The following THSD7A variants were observed in gnomAD, a reference collection of about 807,000 sequenced individuals.
THSD7A encodes the protein thrombospondin type-1 domain-containing protein 7A.
THSD7A carries 96 observed loss-of-function variants against 231.3 expected under a neutral mutation model. The observed-to-expected ratio is 0.41, with a 90% CI of 0.35 to 0.49. The LOEUF (loss-of-function observed/expected upper bound fraction) is 0.49. THSD7A is among the 20% of genes least tolerant of loss of function. THSD7A has a pLI of 0.05. For missense variants in THSD7A, 2,290 were observed against 2,070.2 expected, an observed-to-expected ratio of 1.11 and a Z score of -2.06; for synonymous variants, 940 against 743.3, an observed-to-expected ratio of 1.26 and a Z score of -4.30.
chr7:11,746,898 C>G (rs1036895482), intron 1 of THSD7A, among the ~76,000 whole-genome samples: 1 of 151,734 alleles, frequency 6.6e-6, no homozygotes, highest in Non-Finnish European at 1.5e-5. Flanking sequence ...GGTCCTTTCT[C>G]TCATTTTTTG....
intron 1 of THSD7A, among the ~76,000 whole-genome samples, chr7:11,710,735 T>C (rs1244195182): frequency 1.3e-5 from 2 of 150,936 alleles, no homozygotes; most frequent in African/African-American, 2.4e-5. Flanking sequence ...AATTTTTGAA[T>C]TTTTAACATT....
At chr7:11,502,618 A>T (rs1437759730) in intron 6 of THSD7A, among the ~76,000 whole-genome samples, 1 of 152,196 alleles carries the variant, frequency 6.6e-6, no homozygotes, top group Non-Finnish European at 1.5e-5. Flanking sequence ...TAATCTAGGT[A>T]CAAAACCAAT....
intron 14 of THSD7A, 78 bp downstream of exon 14, chr7:11,428,869 C>T: frequency 4.1e-6 from 6 of 1,480,056 alleles, no homozygotes; most frequent in Middle Eastern, 1.8e-4. Context: ...CTATTATTTC[C>T]TCTTCTCCAT....
At chr7:11,503,398 T>G (rs138618289) in intron 6 of THSD7A, among the ~76,000 whole-genome samples, 10 of 152,118 alleles carry the variant, frequency 6.6e-5, no homozygotes, top group Non-Finnish European at 1.2e-4. Flanking sequence ...GACACAGGAA[T>G]GGGCAAAGAT....
intron 1 of THSD7A, among the ~76,000 whole-genome samples, chr7:11,745,253 G>A (rs2128162569): frequency 6.6e-6 from 1 of 152,178 alleles, no homozygotes; most frequent in Admixed American, 6.5e-5. Context: ...TCTGAGAAAT[G>A]TCTGTTCATG....
chr7:11,487,449 T>C (rs897960750), intron 6 of THSD7A, among the ~76,000 whole-genome samples: 9 of 152,198 alleles, frequency 5.9e-5, no homozygotes, highest in East Asian at 1.9e-4. Context: ...AATGTTTCTT[T>C]GGTTTAGCAA....
chr7:11,594,538 G>A (rs528191636), intron 2 of THSD7A, among the ~76,000 whole-genome samples: 11 of 152,148 alleles, frequency 7.2e-5, no homozygotes, highest in Non-Finnish European at 1.3e-4. Flanking sequence ...TGCATTTGAC[G>A]CTCCTGATTC....
intron 4 of THSD7A, among the ~76,000 whole-genome samples, chr7:11,554,379 C>A (rs1789756760): frequency 6.6e-6 from 1 of 151,988 alleles, no homozygotes; most frequent in South Asian, 2.1e-4. Context: ...TGCCAGTAGA[C>A]CATTTGTTCC....
At chr7:11,737,647 T>C (rs997523221) in intron 1 of THSD7A, among the ~76,000 whole-genome samples, 1 of 152,008 alleles carries the variant, frequency 6.6e-6, no homozygotes, top group Non-Finnish European at 1.5e-5. Flanking sequence ...TAACTTTGTG[T>C]CATATTTGTC....
At chr7:11,459,743 T>TC (rs1479191266) in intron 11 of THSD7A, among the ~76,000 whole-genome samples, 2 of 143,424 alleles carry the variant, frequency 1.4e-5, no homozygotes, top group African/African-American at 2.6e-5. Context: ...CAGTTTTTTT[T>TC]CACTGTACAG....
At chr7:11,573,389 T>C (rs941887736) in intron 4 of THSD7A, among the ~76,000 whole-genome samples, 1 of 152,206 alleles carries the variant, frequency 6.6e-6, no homozygotes, top group Non-Finnish European at 1.5e-5. Flanking sequence ...AGCCAATTCC[T>C]AGCCCAGCAC....
At chr7:11,662,319 T>A (rs1782957952) in intron 1 of THSD7A, among the ~76,000 whole-genome samples, 1 of 151,332 alleles carries the variant, frequency 6.6e-6, no homozygotes, top group Non-Finnish European at 1.5e-5. Flanking sequence ...TGGTAAGTTT[T>A]AATAAAATTG....
intron 4 of THSD7A, among the ~76,000 whole-genome samples, chr7:11,566,288 T>G: frequency 6.6e-6 from 1 of 152,192 alleles, no homozygotes; most frequent in East Asian, 1.9e-4. Context: ...ATGTCTCCAT[T>G]ACTGGGGTTT....
chr7:11,617,475 G>A (rs1245403495), intron 2 of THSD7A, among the ~76,000 whole-genome samples: 1 of 151,930 alleles, frequency 6.6e-6, no homozygotes, highest in Non-Finnish European at 1.5e-5. Flanking sequence ...CAGCTTTATT[G>A]TTGTAAATTA....
intron 6 of THSD7A, among the ~76,000 whole-genome samples, chr7:11,513,087 T>C (rs1307217780): frequency 6.6e-6 from 1 of 151,376 alleles, no homozygotes; most frequent in African/African-American, 2.4e-5. Flanking sequence ...GTATTCTCAC[T>C]AATAGGTGGG....
At chr7:11,412,114 T>G (rs566415308) in intron 18 of THSD7A, among the ~76,000 whole-genome samples, 1 of 152,200 alleles carries the variant, frequency 6.6e-6, no homozygotes, top group Non-Finnish European at 1.5e-5. Flanking sequence ...CTTGATGGTA[T>G]TAAATGAGTT....
chr7:11,646,766 A>T (rs141985656), intron 1 of THSD7A, among the ~76,000 whole-genome samples: 198 of 152,194 alleles, frequency 1.3e-3, no homozygotes, highest in Admixed American at 3.4e-3. Context: ...ATAGTAAGTG[A>T]CATCTTAATA....
At chr7:11,619,668 T>C (rs1392723318) in intron 2 of THSD7A, among the ~76,000 whole-genome samples, 1 of 152,138 alleles carries the variant, frequency 6.6e-6, no homozygotes, top group Non-Finnish European at 1.5e-5. Flanking sequence ...GCGATTCTAC[T>C]GCCTCAGCCT....
At chr7:11,454,099 C>A (rs80091422) in intron 11 of THSD7A, among the ~76,000 whole-genome samples, 9,594 of 151,958 alleles carry the variant, frequency 0.063, 893 homozygotes, top group African/African-American at 0.21. Flanking sequence ...CTATTCACTT[C>A]AAAGTTAAAA....
Sources: gnomAD v4.1 joint callset for allele counts (sites outside exome capture counted in the v4.1 genomes callset) on GRCh38, gnomAD v4.1.1 for gene constraint, MANE v1.5 for transcripts, NCBI Gene and HGNC (gene_info 2026-07-23, HGNC 2026-07-21) for gene names.